The following SNX25 variants were observed in gnomAD, a reference collection of about 807,000 sequenced individuals.
The protein encoded by SNX25 is sorting nexin-25.
In SNX25, 62 loss-of-function variants were observed where a neutral mutation model predicts 113.7. The observed-to-expected ratio is 0.55, with a 90% CI of 0.44 to 0.67. SNX25 has a LOEUF of 0.67. Ranked by LOEUF, SNX25 falls within the 30% of genes least tolerant of loss-of-function variation. The pLI is 0.00. For missense variants in SNX25, 1,014 were observed against 1,161.0 expected (o/e 0.87, Z 1.84); for synonymous variants, 421 against 436.2 (o/e 0.97, Z 0.43).
chr4:185,271,895 G>A (rs1748983487), intron 5 of SNX25, among the ~76,000 whole-genome samples: 1 of 152,252 alleles, frequency 6.6e-6, no homozygotes, highest in Non-Finnish European at 1.5e-5. Context: ...GAATCAGCAT[G>A]AAGTGCTTTC....
rs558046384 is a variant in SNX25, at chr4:185,240,334, T to A, written c.430-6960T>A. Reference sequence around the variant, plus strand: ...GGCAGAGGGGCTCCTCACTTCCCAGTAGGGGCGGCCGGGCAGAGGCGCCTC... The same window carrying A: ...GGCAGAGGGGCTCCTCACTTCCCAGAAGGGGCGGCCGGGCAGAGGCGCCTC... On this transcript the variant is annotated intron_variant, in intron 1 of 18. Coordinates refer to ENST00000652585, the MANE Select transcript of SNX25 (RefSeq NM_001378034.2). Among the ~76,000 whole-genome samples, 501 of 149,886 alleles carry A rather than the reference T, an allele frequency of 3.3e-3. 1 individual carries two copies. The highest frequency in any genetic ancestry group is 0.011 in the African/African-American group (456 of 40,740).
At chr4:185,265,032 A>G (rs184686344) in intron 4 of SNX25, among the ~76,000 whole-genome samples, 190 of 151,330 alleles carry the variant, frequency 1.3e-3, no homozygotes, top group African/African-American at 4.4e-3. Context: ...GGGTCTTACT[A>G]TGTTGCCCAG....
At chr4:185,374,389 C>T (rs781773205), downstream of SNX25, 2 of 1,614,148 alleles carry the variant, frequency 1.2e-6, no homozygotes, top group South Asian at 1.1e-5. Context: ...TTGTAAGCAG[C>T]TGCAAATTTT....
At chr4:185,223,239 T>C (rs1257957234) in intron 1 of SNX25, among the ~76,000 whole-genome samples, 1 of 152,214 alleles carries the variant, frequency 6.6e-6, no homozygotes, top group African/African-American at 2.4e-5. Context: ...CAAATGTGCA[T>C]TAGTGAACAT....
At chr4:185,230,460 A>C (rs10026559) in intron 1 of SNX25, among the ~76,000 whole-genome samples, 98,369 of 150,570 alleles carry the variant, frequency 0.65, 32,221 homozygotes, top group East Asian at 0.75. Flanking sequence ...ATGGCACAAT[A>C]TCAGCTCACG....
At chr4:185,338,670 T>G (rs1268906453) in intron 10 of SNX25, among the ~76,000 whole-genome samples, 1 of 152,206 alleles carries the variant, frequency 6.6e-6, no homozygotes, top group African/African-American at 2.4e-5. Flanking sequence ...TAGGGTTAGG[T>G]GGCAAGGATC....
chr4:185,374,102 A>G, downstream of SNX25: 2 of 1,543,804 alleles, frequency 1.3e-6, no homozygotes, highest in Non-Finnish European at 1.8e-6. Flanking sequence ...TAATCTAAAT[A>G]TAACACTAGC....
chr4:185,367,951 G>A (rs979380013), downstream of SNX25, among the ~76,000 whole-genome samples: 1 of 152,114 alleles, frequency 6.6e-6, no homozygotes, highest in Non-Finnish European at 1.5e-5. Flanking sequence ...AGGCCGAGGT[G>A]GATGGATCAC....
At chr4:185,340,139 A>G (rs181186279) in intron 11 of SNX25, among the ~76,000 whole-genome samples, 100 of 152,284 alleles carry the variant, frequency 6.6e-4, no homozygotes, top group South Asian at 1.0e-3. Flanking sequence ...AAGTCATATA[A>G]TGTCATTTGC....
chr4:185,374,252 A>G, downstream of SNX25: 5 of 1,614,110 alleles, frequency 3.1e-6, no homozygotes, highest in South Asian at 4.4e-5. Flanking sequence ...TACAAGAGAA[A>G]GTGAGGCATG....
rs1455858969 is a variant in SNX25, at chr4:185,363,379, G to A, written c.2935-6G>A. 1.2e-6 allele frequency: 2 copies of A among 1,613,690 alleles called. No individual in the cohort carries two copies. Among genetic ancestry groups the A allele is most frequent in the Non-Finnish European group, 1.7e-6 (2 of 1,179,826 alleles). ...TTTCCACTTTTTTCCTTCTTTGTTG[G>A]TTCAGGCGCTGATGGAACTGCTGCT... On this transcript the variant is annotated splice_polypyrimidine_tract_variant and splice_region_variant and intron_variant, in intron 18 of 18. Coordinates refer to ENST00000652585, the MANE Select transcript of SNX25 (RefSeq NM_001378034.2). This position sits in a 1 kb window ranked among gnomAD's most constrained non-coding sequence, Gnocchi z 4.2.
At chr4:185,231,652 A>G (rs530431637) in intron 1 of SNX25, among the ~76,000 whole-genome samples, 201 of 151,712 alleles carry the variant, frequency 1.3e-3, no homozygotes, top group African/African-American at 4.6e-3. Context: ...TGGAGGTTGC[A>G]GTGAGCTAAG....
At chr4:185,371,831 C>T (rs1340711480), downstream of SNX25, among the ~76,000 whole-genome samples, 2 of 152,152 alleles carry the variant, frequency 1.3e-5, no homozygotes, top group Non-Finnish European at 2.9e-5. Flanking sequence ...GAAGCAGCCC[C>T]TCCTTCCCTT....
downstream of SNX25, among the ~76,000 whole-genome samples, chr4:185,371,356 G>A (rs1015535088): frequency 1.2e-4 from 19 of 152,036 alleles, no homozygotes; most frequent in East Asian, 3.9e-4. Context: ...TGGCTAACAT[G>A]GTGAAACCCC....
At chr4:185,340,861 G>A (rs773961220) in intron 11 of SNX25, among the ~76,000 whole-genome samples, 2 of 152,150 alleles carry the variant, frequency 1.3e-5, no homozygotes, top group South Asian at 4.1e-4. Flanking sequence ...GGCACCTGAC[G>A]TCTAGAGCTC....
the SNX25 span, chr4:185,378,278 C>A: frequency 6.4e-7 from 1 of 1,556,610 alleles, no homozygotes. Flanking sequence ...AGACTCTATT[C>A]CCACCAGGTG....
intron 11 of SNX25, 48 bp downstream of exon 11, chr4:185,339,558 T>C (rs2126720418): frequency 1.9e-6 from 3 of 1,579,300 alleles, no homozygotes; most frequent in Non-Finnish European, 2.6e-6. Context: ...AGTTTGACTT[T>C]ATTAAAAAAG....
chr4:185,321,262 A>ATT (rs556737428), intron 8 of SNX25, among the ~76,000 whole-genome samples: 33 of 137,246 alleles, frequency 2.4e-4, no homozygotes, highest in African/African-American at 2.7e-4. Flanking sequence ...TTTCATTTCA[A>ATT]TTTTTTTTTT....
chr4:185,250,109 T>C (rs1745432879), intron 2 of SNX25, among the ~76,000 whole-genome samples: 1 of 152,226 alleles, frequency 6.6e-6, no homozygotes, highest in South Asian at 2.1e-4. Flanking sequence ...GTTTAATTAA[T>C]GGCTGATCAC....
Sources: allele counts gnomAD v4.1 joint callset (sites outside exome capture counted in the v4.1 genomes callset), GRCh38; gene constraint gnomAD v4.1.1; non-coding constraint Gnocchi (gnomAD v3.1); transcripts MANE v1.5; gene names NCBI Gene and HGNC (gene_info 2026-07-23, HGNC 2026-07-21).